Variants in FER1L6 observed in about 807,000 individuals in gnomAD.
FER1L6 encodes the protein fer-1-like protein 6.
Under a neutral mutation model 219.2 loss-of-function variants are expected in FER1L6, and 177 were observed. The ratio of observed to expected loss-of-function variants is 0.81; its 90% confidence interval spans 0.71 to 0.91. The LOEUF (loss-of-function observed/expected upper bound fraction) is 0.91, where lower values mean the gene tolerates loss of function less well. Among genes scored for constraint, FER1L6 ranks in the 40% least tolerant of loss-of-function variants. The pLI, the probability that FER1L6 is intolerant of heterozygous loss-of-function variation, is 0.00. For synonymous variants in FER1L6, 768 were observed against 824.3 expected (o/e 0.93, Z 1.17); for missense variants, 2,153 against 2,259.9 (o/e 0.95, Z 0.96).
chr8:124,066,280 T>C, intron 26 of FER1L6, 148 bp from the exon 27 acceptor site: 3 of 800,236 alleles, frequency 3.7e-6, no homozygotes, highest in Non-Finnish European at 6.1e-6. Flanking sequence ...GTGGAAGTGA[T>C]ACAGAGAGCT....
chr8:124,069,137 C>T lies in FER1L6; in HGVS notation c.3719-223C>T, dbSNP rs562689052. Among the ~76,000 whole-genome samples, 36 of 152,106 alleles carry T rather than the reference C, an allele frequency of 2.4e-4. No homozygotes were observed. The South Asian group carries it at 6.9e-3, about 29-fold the overall frequency. On this transcript the variant is annotated intron_variant, in intron 28 of 40. Transcript: ENST00000522917. ...ATTTTTAATAGAGACGGGGTTTCAC[C>T]GTGTTAGCCAGGATGGTCTCGATCT... is the stretch of plus-strand genomic sequence containing the variant.
chr8:124,082,013 T>C (rs575849377), intron 32 of FER1L6, among the ~76,000 whole-genome samples: 2 of 152,324 alleles, frequency 1.3e-5, no homozygotes, highest in South Asian at 4.1e-4. Context: ...ATCCAAAGTT[T>C]TTCCTCTCCA....
chr8:123,981,905 G>A (rs116907440), intron 11 of FER1L6, among the ~76,000 whole-genome samples: 2 of 152,286 alleles, frequency 1.3e-5, no homozygotes, highest in East Asian at 1.9e-4. Flanking sequence ...ATAGGAAGTA[G>A]GCAATGCATT....
At chr8:123,993,327 A>G (rs1298878475) in intron 12 of FER1L6, among the ~76,000 whole-genome samples, 2 of 150,510 alleles carry the variant, frequency 1.3e-5, no homozygotes, top group African/African-American at 4.9e-5. Context: ...CTGTAGTCCC[A>G]GCTACTTGGG....
At chr8:123,966,763 C>T (rs955547523) in intron 5 of FER1L6, among the ~76,000 whole-genome samples, 1 of 152,144 alleles carries the variant, frequency 6.6e-6, no homozygotes, top group Admixed American at 6.5e-5. Flanking sequence ...TTCTAAATAT[C>T]GTACATGCTA....
At chr8:124,091,637 T>C in intron 34 of FER1L6, 54 bp downstream of exon 34, 1 of 1,575,280 alleles carries the variant, frequency 6.3e-7, no homozygotes. Context: ...AAAATCCTGA[T>C]TCTAGTGATA....
intron 1 of FER1L6, among the ~76,000 whole-genome samples, chr8:123,921,176 G>T (rs563201349): frequency 2.5e-3 from 383 of 152,224 alleles, no homozygotes; most frequent in African/African-American, 8.5e-3. Flanking sequence ...TCAAGATTCT[G>T]CTTTCTATTC....
In FER1L6 at chr8:123,955,980, T is replaced by C. The variant is rs1435607016; in HGVS notation, c.-7-12T>C. 1.2e-6 allele frequency: 2 copies of C among 1,600,564 alleles called. No homozygotes were observed. Among genetic ancestry groups the C allele is most frequent in the Admixed American group, 1.7e-5 (1 of 57,956 alleles). On this transcript the variant is annotated splice_polypyrimidine_tract_variant and intron_variant, in intron 1 of 40. Coordinates refer to ENST00000522917, the MANE Select transcript of FER1L6 (RefSeq NM_001039112.2). ...AAAGTTTTTATTGTTTCTTTTTTTTTCTTCTTTTCAGAAAGGGGATGTTTG... is the reference window on the plus strand; with the variant it reads ...AAAGTTTTTATTGTTTCTTTTTTTTCCTTCTTTTCAGAAAGGGGATGTTTG...
At chr8:124,064,039 C>T (rs190626402) in intron 25 of FER1L6, among the ~76,000 whole-genome samples, 8 of 152,248 alleles carry the variant, frequency 5.3e-5, no homozygotes, top group African/African-American at 1.9e-4. Context: ...AGAATCTGCA[C>T]CCTAAACCTT....
chr8:123,854,049 T>C (rs1816580903), intron 1 of FER1L6, among the ~76,000 whole-genome samples: 1 of 152,172 alleles, frequency 6.6e-6, no homozygotes, highest in Non-Finnish European at 1.5e-5. Flanking sequence ...TCTGGCAGGC[T>C]CCTGTCAGTC....
intron 1 of FER1L6, among the ~76,000 whole-genome samples, chr8:123,880,697 G>C (rs1355657159): frequency 6.6e-6 from 1 of 152,184 alleles, no homozygotes; most frequent in Non-Finnish European, 1.5e-5. Context: ...GGTTGGCAAA[G>C]CTGCCTTCTT....
intron 18 of FER1L6, among the ~76,000 whole-genome samples, chr8:124,033,573 A>C (rs1290125848): frequency 6.6e-6 from 1 of 152,184 alleles, no homozygotes; most frequent in Non-Finnish European, 1.5e-5. Context: ...CATACTGAGC[A>C]GGATTCTTCA....
chr8:124,003,474 T>G, intron 13 of FER1L6, 127 bp downstream of exon 13: 1 of 728,904 alleles, frequency 1.4e-6, no homozygotes, highest in Non-Finnish European at 2.1e-6. Flanking sequence ...TTTTTTTTTT[T>G]TTTTTTTGAG....
chr8:124,081,371 G>A (rs954771489), intron 32 of FER1L6, among the ~76,000 whole-genome samples: 14 of 152,074 alleles, frequency 9.2e-5, no homozygotes, highest in Non-Finnish European at 1.6e-4. Flanking sequence ...GACACCTTGC[G>A]TTGGTGTGGT....
At chr8:123,917,715 A>T (rs1042622360) in intron 1 of FER1L6, among the ~76,000 whole-genome samples, 2 of 152,230 alleles carry the variant, frequency 1.3e-5, no homozygotes, top group African/African-American at 4.8e-5. Context: ...TTATTTTTTG[A>T]TGTAAAATTC....
chr8:123,906,506 T>C (rs927854510), intron 1 of FER1L6, among the ~76,000 whole-genome samples: 6 of 152,064 alleles, frequency 3.9e-5, no homozygotes, highest in African/African-American at 1.4e-4. Flanking sequence ...TTTAGTATAA[T>C]AAAATGATTG....
intron 12 of FER1L6, among the ~76,000 whole-genome samples, chr8:123,989,580 A>C (rs1816754704): frequency 6.6e-6 from 1 of 151,980 alleles, no homozygotes; most frequent in Non-Finnish European, 1.5e-5. Context: ...CTTCCTTCTG[A>C]GTCTCCAAAG....
chr8:123,948,779 CTTT>C (rs71576718), intron 1 of FER1L6, among the ~76,000 whole-genome samples: 3 of 143,574 alleles, frequency 2.1e-5, no homozygotes, highest in Non-Finnish European at 4.6e-5. Flanking sequence ...GGCATCTTGT[CTTT>C]TTTTTTTTTT....
At chr8:124,048,863 A>C (rs1278233114) in intron 21 of FER1L6, among the ~76,000 whole-genome samples, 2 of 152,218 alleles carry the variant, frequency 1.3e-5, no homozygotes, top group African/African-American at 4.8e-5. Flanking sequence ...TCCCAACCAC[A>C]GTGATGCCCT....
Sources: gnomAD v4.1 joint callset for allele counts (sites outside exome capture counted in the v4.1 genomes callset) on GRCh38, gnomAD v4.1.1 for gene constraint, MANE v1.5 for transcripts, NCBI Gene and HGNC (gene_info 2026-07-23, HGNC 2026-07-21) for gene names.